SYTL3: variants seen among roughly 807,000 people sequenced by gnomAD.
The protein encoded by SYTL3 is synaptotagmin like 3.
In SYTL3, 88 loss-of-function variants were observed where a neutral mutation model predicts 82.1. The ratio of observed to expected loss-of-function variants is 1.07; its 90% CI spans 0.90 to 1.28. The LOEUF (loss-of-function observed/expected upper bound fraction) is 1.28. Among genes scored for constraint, SYTL3 ranks in the 50% most tolerant of loss-of-function variants. The pLI is 0.00. For missense variants in SYTL3, 831 were observed against 757.6 expected, an observed-to-expected ratio of 1.10 and a Z score of -1.14; for synonymous variants, 311 against 289.4, an observed-to-expected ratio of 1.07 and a Z score of -0.76.
intron 16 of SYTL3, among the ~76,000 whole-genome samples, chr6:158,762,843 G>C (rs145203492): frequency 4.6e-5 from 7 of 152,294 alleles, no homozygotes; most frequent in Admixed American, 3.9e-4. Flanking sequence ...CTTGAACTTG[G>C]GGGGAGGAGG....
At position 158,757,376 on chromosome 6, in the gene SYTL3, G is replaced by A. The variant is rs753720667; in HGVS notation, c.1303G>A (p.Ala435Thr). ...GTCCTTCCGCTGGCATCCGCTCCGGGCCAAGGTGATGTCTGGTTTTGGACT... is the reference window on the plus strand; with the variant it reads ...GTCCTTCCGCTGGCATCCGCTCCGGACCAAGGTGATGTCTGGTTTTGGACT... ...TQSFRWHPLR[A>T]KAEKYEDSVP... The change falls in exon 14 of 18, where the codon GCC becomes ACC. Residue 435 changes from alanine (A) to threonine (T), a missense_variant. Ala to Thr is a moderately conservative substitution (Grantham distance 58, BLOSUM62 0). Transcript: ENST00000611299. The A allele has an allele frequency of 1.9e-6, 3 of 1,613,864 alleles. No homozygotes were observed. The highest frequency in any genetic ancestry group is 2.7e-5 in the African/African-American group (2 of 75,032).
intron 12 of SYTL3, among the ~76,000 whole-genome samples, chr6:158,748,594 C>G (rs1164823953): frequency 5.9e-5 from 9 of 152,172 alleles, no homozygotes; most frequent in African/African-American, 2.2e-4. Context: ...ACTATAATCC[C>G]AGCACTCTGG....
intron 6 of SYTL3, among the ~76,000 whole-genome samples, chr6:158,683,566 C>A (rs967941158): frequency 8.5e-5 from 13 of 152,200 alleles, no homozygotes; most frequent in African/African-American, 2.9e-4. Context: ...GTTTCCCTGG[C>A]TTCCTGCTTC....
chr6:158,728,644 A>C (rs1457016823), intron 11 of SYTL3, among the ~76,000 whole-genome samples: 1 of 152,200 alleles, frequency 6.6e-6, no homozygotes, highest in African/African-American at 2.4e-5. Context: ...TCATTTGTTT[A>C]TTAAAAAACA....
chr6:158,649,711 A>T (rs1490060401), upstream of SYTL3, among the ~76,000 whole-genome samples: 1 of 152,244 alleles, frequency 6.6e-6, no homozygotes, highest in Non-Finnish European at 1.5e-5. Context: ...TTTACACTGA[A>T]GTCAATGTGA....
chr6:158,746,922 G>A (rs184708594), intron 12 of SYTL3, among the ~76,000 whole-genome samples: 3 of 152,142 alleles, frequency 2.0e-5, no homozygotes, highest in Non-Finnish European at 4.4e-5. Context: ...CCAAAATGCT[G>A]AGATTACAGG....
At chr6:158,651,388 C>G (rs942141089) in intron 1 of SYTL3, among the ~76,000 whole-genome samples, 1 of 151,938 alleles carries the variant, frequency 6.6e-6, no homozygotes, top group Non-Finnish European at 1.5e-5. Context: ...GTCAAGAGAT[C>G]GAGATCATCC....
At chr6:158,659,865 GTC>G (rs1789149456) in intron 2 of SYTL3, among the ~76,000 whole-genome samples, 1 of 152,164 alleles carries the variant, frequency 6.6e-6, no homozygotes, top group Admixed American at 6.5e-5. Flanking sequence ...GGCTGCTGAT[GTC>G]TCTCTGACTT....
chr6:158,672,556 C>CTTT (rs549428783), intron 5 of SYTL3, among the ~76,000 whole-genome samples: 23,950 of 125,794 alleles, frequency 0.19, 2,944 homozygotes, highest in East Asian at 0.64. Context: ...TTTTTTGTTT[C>CTTT]TTTTTTTTTT....
chr6:158,657,165 C>T (rs577221018), intron 2 of SYTL3, among the ~76,000 whole-genome samples: 4 of 152,226 alleles, frequency 2.6e-5, no homozygotes, highest in Non-Finnish European at 5.9e-5. Context: ...GTGACTCATG[C>T]CTGTAATCCC....
chr6:158,654,303 T>C (rs1165709624), intron 2 of SYTL3, among the ~76,000 whole-genome samples: 2 of 152,186 alleles, frequency 1.3e-5, no homozygotes, highest in Non-Finnish European at 2.9e-5. Context: ...ATGCAGAGAT[T>C]GAGTCTCACT....
chr6:158,657,445 AAG>A (rs1562340023), intron 2 of SYTL3, among the ~76,000 whole-genome samples: 1 of 150,368 alleles, frequency 6.7e-6, no homozygotes, highest in African/African-American at 2.4e-5. Context: ...AAAAAAAAAA[AAG>A]AGAGAAAAAG....
chr6:158,729,493 C>T (rs1203341812), intron 11 of SYTL3, among the ~76,000 whole-genome samples: 1 of 152,090 alleles, frequency 6.6e-6, no homozygotes, highest in Admixed American at 6.5e-5. Context: ...TACATTTCAA[C>T]ATGTGGATAC....
chr6:158,732,711 C>G (rs974591407), intron 11 of SYTL3, among the ~76,000 whole-genome samples: 1 of 152,194 alleles, frequency 6.6e-6, no homozygotes, highest in Non-Finnish European at 1.5e-5. Context: ...TAATAGGATG[C>G]AGTAACGTCA....
chr6:158,647,858 C>A (rs577474101), upstream of SYTL3, among the ~76,000 whole-genome samples: 1 of 152,240 alleles, frequency 6.6e-6, no homozygotes, highest in African/African-American at 2.4e-5. Context: ...GGCAGGTTTG[C>A]GTGCAATCAC....
chr6:158,710,472 G>C (rs1425292396), intron 8 of SYTL3, among the ~76,000 whole-genome samples: 1 of 151,430 alleles, frequency 6.6e-6, no homozygotes, highest in Non-Finnish European at 1.5e-5. Flanking sequence ...ACATGTCAGA[G>C]TCATGGTGTG....
At position 158,665,380 on chromosome 6, in the gene SYTL3, C is replaced by T. The variant is rs1789913137; in HGVS notation, c.111-15C>T. The T allele has an allele frequency of 1.3e-6, 2 of 1,563,730 alleles. No individual in the cohort carries two copies. Among genetic ancestry groups the T allele is most frequent in the Admixed American group, 1.9e-5 (1 of 52,140 alleles). On this transcript the variant is annotated splice_polypyrimidine_tract_variant and intron_variant, in intron 4 of 17. Transcript: ENST00000611299. The stretch of plus-strand genomic sequence containing the variant: ...TTCCATCTAATACTATCTTCTTTAA[C>T]TCTGAGGGCTGCAGGAAACTGAAAA...
rs763827654 is a variant in SYTL3, at chr6:158,745,564, A to G, written c.940A>G (p.Ile314Val). The G allele has an allele frequency of 4.3e-6, 7 of 1,613,802 alleles. No individual in the cohort carries two copies. The highest frequency in any genetic ancestry group is 1.3e-5 in the African/African-American group (1 of 74,910). ...TGTCACTGGAGAAATAGAATTTGCC[A>G]TTCATTATTGCTTCAAAACCCATTC... is the stretch of plus-strand genomic sequence containing the variant. ...ANVTGEIEFA[I>V]HYCFKTHSLE... is the part of the protein sequence containing the mutation. The change falls in exon 12 of 18, where the codon ATT becomes GTT. Residue 314 changes from isoleucine to valine, a missense_variant. Transcript: ENST00000611299.
chr6:158,739,615 G>A (rs1369354129), intron 11 of SYTL3, among the ~76,000 whole-genome samples: 2 of 151,524 alleles, frequency 1.3e-5, no homozygotes, highest in African/African-American at 4.9e-5. Flanking sequence ...ATCTTTCTGA[G>A]ATGGGGGTCT....
Sources: allele counts gnomAD v4.1 joint callset (sites outside exome capture counted in the v4.1 genomes callset), GRCh38; gene constraint gnomAD v4.1.1; transcripts MANE v1.5; gene names NCBI Gene and HGNC (gene_info 2026-07-23, HGNC 2026-07-21).